TACC3: variants seen among roughly 807,000 people sequenced by gnomAD.
TACC3 encodes transforming acidic coiled-coil-containing protein 3.
A neutral mutation model predicts 86.0 loss-of-function variants in TACC3; 52 were observed. That is an observed-to-expected ratio of 0.60 (90% confidence interval 0.48 to 0.76). TACC3 has a LOEUF of 0.76. Ranked by LOEUF, TACC3 falls within the 30% of genes least tolerant of loss-of-function variation. The pLI is 0.00. For missense variants in TACC3, 1,120 were observed against 1,070.4 expected, an observed-to-expected ratio of 1.05 and a Z score of -0.65; for synonymous variants, 512 against 430.0, an observed-to-expected ratio of 1.19 and a Z score of -2.36.
chr4:1,741,242 A>C, intron 13 of TACC3: 1 of 358,838 alleles, frequency 2.8e-6, no homozygotes, highest in Non-Finnish European at 5.0e-6. Context: ...GTGACAGACG[A>C]CTCGGCTATG....
At chr4:1,740,574 C>T (rs1209364751) in intron 12 of TACC3, 8 of 436,178 alleles carry the variant, frequency 1.8e-5, no homozygotes, top group Non-Finnish European at 2.9e-5. Flanking sequence ...TGTTGGGCGC[C>T]GCCTCTTCAG....
At chr4:1,720,689 G>T (rs764958908), upstream of TACC3, 1 of 1,552,602 alleles carries the variant, frequency 6.4e-7, no homozygotes. The surrounding 1 kb of genome is among the most constrained non-coding windows in gnomAD (Gnocchi z 4.4). Context: ...CAAGTGGAAG[G>T]GCACGAAGGC....
chr4:1,734,290 C>T (rs556279563), intron 6 of TACC3, among the ~76,000 whole-genome samples: 4 of 152,132 alleles, frequency 2.6e-5, no homozygotes, highest in East Asian at 3.9e-4. Context: ...TGGGTTCAAG[C>T]GATTCTCCTG....
In TACC3 at chr4:1,730,899, A is replaced by G. The variant is rs1301865179; in HGVS notation, c.1398A>G (p.Ser466=). ...TCTGTCTCCCCAGGCAGCTGCATTC[A>G]GCCTCAGCGGAGGACACGCCTGTGG... ...PGPCLSQQLH[S]ASAEDTPVVQ... is the part of the protein sequence containing the mutation. The change falls in exon 5 of 16, where the codon TCA becomes TCG. Residue 466 remains serine (S), a synonymous_variant. Coordinates refer to ENST00000313288, the MANE Select transcript of TACC3 (RefSeq NM_006342.3). 1 of 1,613,296 alleles carries G rather than the reference A, an allele frequency of 6.2e-7. No individual in the cohort carries two copies. Among genetic ancestry groups the G allele is most frequent in the Admixed American group, 1.7e-5 (1 of 60,028 alleles).
In TACC3 at chr4:1,740,005, G is replaced by A. The variant is rs370769250; in HGVS notation, c.2062+3G>A. ...AGAGGTTGTGTACCAGGCCATGGGT[G>A]AGTGCCCGGGCCACCGAGGCCACGT... On this transcript the variant is annotated splice_donor_region_variant and intron_variant, in intron 12 of 15. Coordinates refer to ENST00000313288, the MANE Select transcript of TACC3 (RefSeq NM_006342.3). 2.5e-6 allele frequency: 4 copies of A among 1,612,850 alleles called. No homozygotes were observed. Among genetic ancestry groups the A allele is most frequent in the South Asian group, 1.1e-5 (1 of 91,082 alleles).
chr4:1,739,821 TCGCCA>T, intron 11 of TACC3, 43 bp downstream of exon 11: 1 of 408,704 alleles, frequency 2.4e-6, no homozygotes, highest in East Asian at 9.3e-5. Context: ...CCCATCCCCC[TCGCCA>T]TCCTTGTCCC....
rs749456104 is a variant in TACC3 at position 1,727,731 on chromosome 4, A to C, written c.329A>C (p.Asp110Ala). The change falls in exon 4 of 16, where the codon GAT (aspartate) becomes GCT (alanine). Residue 110 changes from aspartate (D) to alanine (A), a missense_variant. Asp to Ala is a moderately radical substitution (Grantham distance 126). Transcript: ENST00000313288. The stretch of plus-strand genomic sequence containing the variant: ...AGCCAACAGCTCATCAAGGAAGTGG[A>C]TGCCAAAACTACTCATGGAATTCTA... ...KENQQLIKEV[D>A]AKTTHGILQK... 3 of 1,591,022 alleles carry C rather than the reference A, an allele frequency of 1.9e-6. No homozygotes were observed. In the South Asian group the frequency reaches 3.4e-5, roughly 18 times the overall value.
At position 1,728,272 on chromosome 4, in the gene TACC3, C is replaced by T. The variant is rs1179381326; in HGVS notation, c.870C>T (p.Thr290=). 1 of 1,612,766 alleles carries T rather than the reference C, an allele frequency of 6.2e-7. No individual in the cohort carries two copies. The highest frequency in any genetic ancestry group is 8.5e-7 in the Non-Finnish European group (1 of 1,180,010). ...GTPVPADGTQ[T]LTCAHTSAPE... ...CCGTGCCAGCAGATGGCACTCAGAC[C>T]CTTACCTGTGCACACACCTCTGCTC... Residue 290 remains threonine, a synonymous_variant, in exon 4 of 16, where the codon ACC becomes ACT. Transcript: ENST00000313288.
chr4:1,730,460 T>C, intron 4 of TACC3: 2 of 332,734 alleles, frequency 6.0e-6, no homozygotes, highest in Non-Finnish European at 1.2e-5. Flanking sequence ...AGTATAACTA[T>C]TCTTATTCTG....
rs1372093136 is a variant in TACC3, at chr4:1,728,362, AG to A, written c.961del (p.Glu321LysfsTer16). ...GRAMTLSPQE[E>X]VAAGQMASSS... Reference sequence around the variant, plus strand: ...GGGCCATGACCCTGAGTCCTCAGGAAGAAGTGGCTGCAGGCCAAATGGCCAG... The same window carrying A: ...GGGCCATGACCCTGAGTCCTCAGGAAAAGTGGCTGCAGGCCAAATGGCCAG... On this transcript the variant is annotated frameshift_variant, in exon 4 of 16. Transcript: ENST00000313288. LOFTEE classifies it high-confidence loss of function. 2 of 1,613,200 alleles carry A rather than the reference AG, an allele frequency of 1.2e-6. No individual in the cohort carries two copies. Among genetic ancestry groups the A allele is most frequent in the South Asian group, 2.2e-5 (2 of 91,088 alleles).
chr4:1,724,880 C>T lies in TACC3; in HGVS notation c.305+1010C>T, dbSNP rs561612649. On this transcript the variant is annotated intron_variant, in intron 3 of 15. Transcript: ENST00000313288. ...GGGCTCAAGCAGTCCTCCACCTTGG[C>T]CTCCTTAGTAGCTGGGACTACAACT... Among the ~76,000 whole-genome samples the T allele has an allele frequency of 2.0e-5, 3 of 151,854 alleles. No homozygotes were observed. In the South Asian group the frequency reaches 6.2e-4, roughly 32 times the overall value.
At chr4:1,738,585 A>G (rs1400384367) in intron 10 of TACC3, among the ~76,000 whole-genome samples, 3 of 152,244 alleles carry the variant, frequency 2.0e-5, no homozygotes, top group Non-Finnish European at 2.9e-5. Flanking sequence ...TAGTGCTCGA[A>G]CATTAATTTT....
In TACC3 at chr4:1,728,110, C is replaced by G; in HGVS notation, c.708C>G (p.Cys236Trp). The G allele has an allele frequency of 6.2e-7, 1 of 1,612,328 alleles. No homozygotes were observed. The highest frequency in any genetic ancestry group is 1.7e-4 in the Middle Eastern group (1 of 6,060). Residue 236 changes from cysteine to tryptophan, a missense_variant, in exon 4 of 16, where the codon TGC (cysteine) becomes TGG (tryptophan). Physicochemically the swap from Cys to Trp is radical, Grantham distance 215. Coordinates refer to ENST00000313288, the MANE Select transcript of TACC3 (RefSeq NM_006342.3). ...AETPHGAEEE[C>W]RHGGVCAPAA... ...CTCCGCACGGAGCCGAGGAGGAATG[C>G]CGGCACGGTGGGGTCTGTGCTCCCG...
At chr4:1,732,050 G>A (rs1428748852) in intron 6 of TACC3, among the ~76,000 whole-genome samples, 1 of 152,216 alleles carries the variant, frequency 6.6e-6, no homozygotes, top group African/African-American at 2.4e-5. Context: ...CATAAGATTG[G>A]AGGCTGCACT....
chr4:1,736,729 T>C (rs967843286), intron 8 of TACC3, among the ~76,000 whole-genome samples: 1 of 151,956 alleles, frequency 6.6e-6, no homozygotes, highest in Non-Finnish European at 1.5e-5. Flanking sequence ...GCCAACATAG[T>C]GAACCCCCAT....
intron 13 of TACC3, among the ~76,000 whole-genome samples, chr4:1,742,637 A>G (rs987485281): frequency 2.0e-5 from 3 of 152,046 alleles, no homozygotes; most frequent in African/African-American, 7.2e-5. Context: ...TCCGTCTCCT[A>G]AAAATACAAA....
intron 13 of TACC3, among the ~76,000 whole-genome samples, chr4:1,744,278 G>A (rs1044478761): frequency 3.9e-5 from 6 of 152,248 alleles, no homozygotes; most frequent in East Asian, 3.8e-4. Flanking sequence ...GGGCCCAGCC[G>A]TGAGGGCACC....
At chr4:1,743,064 C>T (rs1018687771) in intron 13 of TACC3, among the ~76,000 whole-genome samples, 5 of 151,480 alleles carry the variant, frequency 3.3e-5, no homozygotes, top group Admixed American at 3.3e-4. Context: ...GAGTTCAAGA[C>T]CATTCTGGCC....
At chr4:1,736,484 A>G (rs1718273229) in intron 8 of TACC3, among the ~76,000 whole-genome samples, 1 of 150,712 alleles carries the variant, frequency 6.6e-6, no homozygotes. Context: ...CCTGTGGGCC[A>G]GACTTGGCCA....
Sources: allele counts gnomAD v4.1 joint callset (sites outside exome capture counted in the v4.1 genomes callset), GRCh38; gene constraint gnomAD v4.1.1; non-coding constraint Gnocchi (gnomAD v3.1); transcripts MANE v1.5; gene names NCBI Gene and HGNC (gene_info 2026-07-23, HGNC 2026-07-21).